The following SLC36A1 variants were observed in gnomAD, a reference collection of about 807,000 sequenced individuals.
SLC36A1 encodes the protein proton-coupled amino acid transporter 1.
Under a neutral mutation model 47.5 loss-of-function variants are expected in SLC36A1, and 30 were observed. The ratio of observed to expected loss-of-function variants is 0.63; its 90% CI spans 0.47 to 0.86. SLC36A1 has a LOEUF of 0.86. SLC36A1 is among the 40% of genes least tolerant of loss of function. The probability of loss-of-function intolerance (pLI) is 0.00; values close to 1 mark genes in which losing one functional copy is unlikely to be tolerated. For missense variants in SLC36A1, 517 were observed against 606.0 expected, an observed-to-expected ratio of 0.85 and a Z score of 1.54; for synonymous variants, 255 against 249.7, an observed-to-expected ratio of 1.02 and a Z score of -0.20.
chr5:151,448,080 A>G (rs1753092051), intron 1 of SLC36A1, among the ~76,000 whole-genome samples: 1 of 152,206 alleles, frequency 6.6e-6, no homozygotes, highest in African/African-American at 2.4e-5. Flanking sequence ...CCCCGTTTCC[A>G]GCAAATGTCT....
the SLC36A1 span, among the ~76,000 whole-genome samples, chr5:151,426,838 G>A: frequency 2.0e-5 from 3 of 152,146 alleles, no homozygotes; most frequent in Non-Finnish European, 4.4e-5. Flanking sequence ...AGGTCCCTGC[G>A]GCCTTCCGCA....
At position 151,490,009 on chromosome 5, in the gene SLC36A1, C is replaced by T. The variant is rs938146187; in HGVS notation, c.*1755C>T. On this transcript the variant is annotated 3_prime_UTR_variant, in exon 11 of 11. Transcript: ENST00000243389. ...CCCACCCATATGGCCCCAGTTTTTT[C>T]TGTCTCTTCTGTTCCAAAGCCAGGA... The T allele has an allele frequency of 6.6e-6, 1 of 152,208 alleles. No homozygotes were observed. Among genetic ancestry groups the T allele is most frequent in the Non-Finnish European group, 1.5e-5 (1 of 68,048 alleles). The allele number at this position is 152,208 out of a possible 1,614,324, so 9.4% of individuals were successfully genotyped here.
chr5:151,550,901 C>G, the SLC36A1 span: 2 of 1,603,414 alleles, frequency 1.2e-6, no homozygotes, highest in Non-Finnish European at 1.7e-6. Context: ...AGAAGGTGCA[C>G]TGCAAGCCCC....
chr5:151,359,976 G>T, the SLC36A1 span, among the ~76,000 whole-genome samples: 73 of 152,122 alleles, frequency 4.8e-4, no homozygotes, highest in Non-Finnish European at 4.1e-4. Context: ...GAGTCATGTT[G>T]TCATAAATAT....
chr5:151,376,638 A>ATT, the SLC36A1 span, among the ~76,000 whole-genome samples: 1 of 149,158 alleles, frequency 6.7e-6, no homozygotes, highest in African/African-American at 2.4e-5. Flanking sequence ...CATTTCAAAA[A>ATT]TTTTTTTTTT....
At chr5:151,450,133 A>G (rs1396566829) in intron 1 of SLC36A1, among the ~76,000 whole-genome samples, 1 of 152,066 alleles carries the variant, frequency 6.6e-6, no homozygotes, top group Non-Finnish European at 1.5e-5. Flanking sequence ...TGTGGGATGG[A>G]TGGAGCCGAT....
rs1267492653 is a variant in SLC36A1, at chr5:151,465,105, A to G, written c.355A>G (p.Thr119Ala). ...LNKSFVDYGD[T>A]VMYGLESSPC... ...TAAATCCTTTGTGGATTATGGTGAT[A>G]CTGTGATGTATGGACTAGAATCCAG... The change falls in exon 5 of 11, where the codon ACT becomes GCT. Residue 119 changes from threonine to alanine, a missense_variant. Physicochemically the swap from Thr to Ala is moderately conservative, Grantham distance 58. Transcript: ENST00000243389. 3.1e-6 allele frequency: 5 copies of G among 1,613,920 alleles called. No homozygotes were observed. Among genetic ancestry groups the G allele is most frequent in the Non-Finnish European group, 3.4e-6 (4 of 1,179,970 alleles).
the SLC36A1 span, among the ~76,000 whole-genome samples, chr5:151,520,782 T>C: frequency 2.0e-5 from 3 of 152,320 alleles, no homozygotes; most frequent in African/African-American, 7.2e-5. Flanking sequence ...GTCTAAGCCT[T>C]GAGCTTATAA....
chr5:151,482,346 T>C, intron 10 of SLC36A1, among the ~76,000 whole-genome samples: 1 of 152,034 alleles, frequency 6.6e-6, no homozygotes, highest in East Asian at 1.9e-4. Context: ...AGGAAGGGTG[T>C]CTGACCTCTA....
the SLC36A1 span, chr5:151,550,763 G>A: frequency 8.1e-6 from 13 of 1,613,930 alleles, no homozygotes; most frequent in African/African-American, 2.7e-5. Flanking sequence ...GCCTGGACTC[G>A]CAGGAGCTCT....
chr5:151,373,422 A>T, the SLC36A1 span, among the ~76,000 whole-genome samples: 2 of 152,250 alleles, frequency 1.3e-5, no homozygotes, highest in Non-Finnish European at 2.9e-5. Flanking sequence ...ACATTTAGAT[A>T]CAGAGAAACA....
At chr5:151,512,798 C>T in the SLC36A1 span, 1 of 601,166 alleles carries the variant, frequency 1.7e-6, no homozygotes, top group Non-Finnish European at 2.9e-6. The surrounding 1 kb of genome is among the most constrained non-coding windows in gnomAD (Gnocchi z 4.1). Flanking sequence ...CCTTTGTTCT[C>T]ACCACACCCC....
the SLC36A1 span, among the ~76,000 whole-genome samples, chr5:151,404,791 G>A: frequency 1.3e-5 from 2 of 152,026 alleles, no homozygotes; most frequent in African/African-American, 4.8e-5. Flanking sequence ...AACCTAATGG[G>A]GTTTCCCCTT....
At chr5:151,426,540 C>T in the SLC36A1 span, among the ~76,000 whole-genome samples, 1 of 152,112 alleles carries the variant, frequency 6.6e-6, no homozygotes, top group South Asian at 2.1e-4. Context: ...AGTATTGCCA[C>T]CAGCATGTCT....
At chr5:151,344,918 C>G in the SLC36A1 span, among the ~76,000 whole-genome samples, 2 of 152,066 alleles carry the variant, frequency 1.3e-5, no homozygotes, top group East Asian at 1.9e-4. Context: ...GACTGGGTCC[C>G]CAGATGAGGT....
upstream of SLC36A1, among the ~76,000 whole-genome samples, chr5:151,435,149 G>A (rs749559): frequency 2.4e-4 from 36 of 152,268 alleles, 1 homozygote; most frequent in African/African-American, 8.7e-4. Context: ...GAACTTTAAA[G>A]GGATCTAAAG....
rs1185761395 is a variant in SLC36A1, at chr5:151,488,613, C to T, written c.*359C>T. ...ACAGTTCACTTTATTTAACAATTTT[C>T]ATGTCCCCCACCTCATGTTTTCACC... On this transcript the variant is annotated 3_prime_UTR_variant, in exon 11 of 11. Coordinates refer to ENST00000243389, the MANE Select transcript of SLC36A1 (RefSeq NM_078483.4). The T allele has an allele frequency of 4.5e-6, 1 of 224,668 alleles. No homozygotes were observed. The highest frequency in any genetic ancestry group is 2.3e-5 in the African/African-American group (1 of 44,272). The allele number at this position is 224,668 out of a possible 1,614,324, so 13.9% of individuals were successfully genotyped here.
the SLC36A1 span, among the ~76,000 whole-genome samples, chr5:151,395,803 CTTAT>C: frequency 6.6e-6 from 1 of 152,060 alleles, no homozygotes; most frequent in Non-Finnish European, 1.5e-5. Flanking sequence ...GTTATTCTTT[CTTAT>C]TTATTATTAT....
chr5:151,512,614 G>C, the SLC36A1 span: 8 of 1,587,832 alleles, frequency 5.0e-6, 1 homozygote, highest in East Asian at 6.9e-5. This position sits in a 1 kb window ranked among gnomAD's most constrained non-coding sequence, Gnocchi z 4.1. Context: ...CAGCTGCAAA[G>C]GAAATCCAAA....
Sources: gnomAD v4.1 joint callset for allele counts (sites outside exome capture counted in the v4.1 genomes callset) on GRCh38, gnomAD v4.1.1 for gene constraint, Gnocchi (gnomAD v3.1) non-coding constraint, MANE v1.5 for transcripts, NCBI Gene and HGNC (gene_info 2026-07-23, HGNC 2026-07-21) for gene names.